MAP2K3: variants seen among roughly 807,000 people sequenced by gnomAD.
The protein encoded by MAP2K3 is mitogen-activated protein kinase kinase 3, also known as dual specificity mitogen-activated protein kinase kinase 3.
A neutral mutation model predicts 46.4 loss-of-function variants in MAP2K3; 30 were observed. The observed-to-expected ratio is 0.65, with a 90% CI of 0.48 to 0.88. The LOEUF (loss-of-function observed/expected upper bound fraction) is 0.88. Ranked by LOEUF, MAP2K3 falls within the 40% of genes least tolerant of loss-of-function variation. The pLI, the probability that MAP2K3 is intolerant of heterozygous loss-of-function variation, is 0.00. For synonymous variants in MAP2K3, 189 were observed against 176.3 expected (o/e 1.07, Z -0.57); for missense variants, 380 against 464.5 (o/e 0.82, Z 1.67).
At chr17:21,313,158 A>C (rs950796639) in intron 10 of MAP2K3, among the ~76,000 whole-genome samples, 11 of 152,206 alleles carry the variant, frequency 7.2e-5, no homozygotes, top group African/African-American at 2.4e-4. Flanking sequence ...ACCCATGATA[A>C]GGAGTTTCTC....
At chr17:21,299,033 G>A (rs1278452469) in intron 3 of MAP2K3, 107 bp downstream of exon 3, 1 of 1,526,284 alleles carries the variant, frequency 6.6e-7, no homozygotes, top group East Asian at 2.3e-5. Context: ...GGGTCAGAGA[G>A]GGTCAGGCTC....
intron 1 of MAP2K3, among the ~76,000 whole-genome samples, chr17:21,295,323 T>C (rs1976177494): frequency 6.6e-6 from 1 of 152,312 alleles, no homozygotes; most frequent in Admixed American, 6.5e-5. Flanking sequence ...GGTCAGTGGC[T>C]GAATTCTGGT....
intron 6 of MAP2K3, among the ~76,000 whole-genome samples, chr17:21,302,575 G>T (rs1004294722): frequency 1.3e-5 from 2 of 152,312 alleles, no homozygotes; most frequent in Admixed American, 6.5e-5. Context: ...TTACAACAGC[G>T]TCATACTAAA....
intron 1 of MAP2K3, 120 bp from the exon 2 acceptor site, chr17:21,298,293 C>T (rs1330509106): frequency 2.1e-6 from 3 of 1,437,848 alleles, no homozygotes; most frequent in Non-Finnish European, 2.9e-6. Flanking sequence ...GAGGGGGCTC[C>T]CGGCATGGGT....
chr17:21,301,079 C>T (rs562707659), intron 5 of MAP2K3, 86 bp downstream of exon 5: 104 of 1,603,966 alleles, frequency 6.5e-5, no homozygotes, highest in Middle Eastern at 3.3e-4. Context: ...CCCTCCAGTA[C>T]GCCAGGTGCT....
At chr17:21,293,548 G>T (rs1291106417) in intron 1 of MAP2K3, among the ~76,000 whole-genome samples, 1 of 152,308 alleles carries the variant, frequency 6.6e-6, no homozygotes, top group African/African-American at 2.4e-5. Flanking sequence ...CACCGGGGAG[G>T]GGGCGCTGCC....
Position 21,284,792 on chromosome 17 carries a change from C to CAGTCCT in MAP2K3, c.-129_-128insAGTCCT. On this transcript the variant is annotated 5_prime_UTR_variant, in exon 1 of 12. Coordinates refer to ENST00000342679, the MANE Select transcript of MAP2K3 (RefSeq NM_145109.3). Reference sequence around the variant, plus strand: ...GTCCTCGCCGCAGTCGCCGCCGCCGCCGCCGCCGCCGCCGCTGCTCCTCCG... The same window carrying CAGTCCT: ...GTCCTCGCCGCAGTCGCCGCCGCCGCAGTCCTCGCCGCCGCCGCCGCTGCTCCTCCG... 9.1e-7 allele frequency: 1 copy of CAGTCCT among 1,104,230 alleles called. No homozygotes were observed. The highest frequency in any genetic ancestry group is 1.2e-6 in the Non-Finnish European group (1 of 809,830). The allele number at this position is 1,104,230 out of a possible 1,614,324, so 68.4% of individuals were successfully genotyped here.
intron 9 of MAP2K3, chr17:21,311,894 C>T (rs1977179913): frequency 7.0e-6 from 3 of 429,696 alleles, no homozygotes; most frequent in Non-Finnish European, 4.1e-6. Flanking sequence ...ATGATGGTCC[C>T]ACCAGTCCCG....
chr17:21,295,040 G>T (rs1574099), intron 1 of MAP2K3, among the ~76,000 whole-genome samples: 129 of 152,252 alleles, frequency 8.5e-4, no homozygotes, highest in Non-Finnish European at 1.3e-3. Context: ...CGGTCACTGG[G>T]GCCTGCGCAG....
chr17:21,286,828 G>T (rs1284223592), intron 1 of MAP2K3, among the ~76,000 whole-genome samples: 1 of 152,200 alleles, frequency 6.6e-6, no homozygotes, highest in African/African-American at 2.4e-5. Context: ...GGTTGAGGGG[G>T]CTGGATGGAG....
intron 6 of MAP2K3, among the ~76,000 whole-genome samples, chr17:21,302,938 C>G (rs1195358486): frequency 6.6e-6 from 1 of 152,308 alleles, no homozygotes; most frequent in African/African-American, 2.4e-5. Context: ...GTGATGATGC[C>G]TCCCTGGGAG....
intron 3 of MAP2K3, among the ~76,000 whole-genome samples, chr17:21,300,242 G>A (rs1161961296): frequency 1.3e-5 from 2 of 152,290 alleles, no homozygotes; most frequent in African/African-American, 2.4e-5. Context: ...AGTGGGGTCG[G>A]GAAAAGAGGG....
intron 1 of MAP2K3, among the ~76,000 whole-genome samples, chr17:21,294,696 A>G (rs1976141366): frequency 6.6e-6 from 1 of 152,300 alleles, no homozygotes; most frequent in Admixed American, 6.5e-5. Flanking sequence ...GAGGGTGGAC[A>G]GGGGTGGTCT....
chr17:21,295,631 T>C (rs1417578956), intron 1 of MAP2K3: 9 of 1,288,840 alleles, frequency 7.0e-6, no homozygotes, highest in Non-Finnish European at 9.1e-6. Flanking sequence ...GGCTTCCCCA[T>C]GGAGCCTGTG....
At chr17:21,289,437 T>G (rs1975820778) in intron 1 of MAP2K3, among the ~76,000 whole-genome samples, 5 of 145,552 alleles carry the variant, frequency 3.4e-5, no homozygotes, top group African/African-American at 5.2e-5. Flanking sequence ...GAGTCAGGGG[T>G]GTTGGGGGGT....
Position 21,314,433 on chromosome 17 carries a change from C to T in MAP2K3, c.*203C>T. ...AGACCATTGGGGCTCCCAGCCAGGC[C>T]CTTGTCGGCCCCACCAGTGCCTCTC... On this transcript the variant is annotated 3_prime_UTR_variant, in exon 12 of 12. Transcript: ENST00000342679. The T allele has an allele frequency of 3.4e-6, 2 of 583,718 alleles. No individual in the cohort carries two copies. The highest frequency in any genetic ancestry group is 3.1e-6 in the Non-Finnish European group (1 of 325,570). The allele number at this position is 583,718 out of a possible 1,614,324, so 36.2% of individuals were successfully genotyped here.
At chr17:21,310,546 C>T (rs1977115390) in intron 9 of MAP2K3, among the ~76,000 whole-genome samples, 1 of 152,280 alleles carries the variant, frequency 6.6e-6, no homozygotes, top group South Asian at 2.1e-4. Flanking sequence ...GGCCCCAGAG[C>T]TCTCTTGGCG....
At chr17:21,310,277 T>G (rs185871725) in intron 9 of MAP2K3, among the ~76,000 whole-genome samples, 1 of 151,532 alleles carries the variant, frequency 6.6e-6, no homozygotes, top group East Asian at 2.0e-4. Flanking sequence ...CCAAAGTGCT[T>G]GGATTATAGG....
chr17:21,309,116 C>G (rs1325262357), intron 9 of MAP2K3, among the ~76,000 whole-genome samples: 3 of 152,310 alleles, frequency 2.0e-5, no homozygotes, highest in African/African-American at 7.2e-5. Flanking sequence ...TGGGCCTCCT[C>G]TGCCTGGCCT....
Sources: allele counts gnomAD v4.1 joint callset (sites outside exome capture counted in the v4.1 genomes callset), GRCh38; gene constraint gnomAD v4.1.1; transcripts MANE v1.5; gene names NCBI Gene and HGNC (gene_info 2026-07-23, HGNC 2026-07-21).